ICA1L: variants seen among roughly 807,000 people sequenced by gnomAD.
ICA1L encodes islet cell autoantigen 1 like, also known as islet cell autoantigen 1-like protein.
A neutral mutation model predicts 61.3 loss-of-function variants in ICA1L; 50 were observed. The observed-to-expected ratio is 0.82, with a 90% CI of 0.65 to 1.03. The LOEUF (loss-of-function observed/expected upper bound fraction) is 1.03. Ranked by LOEUF, ICA1L falls within the 50% of genes least tolerant of loss-of-function variation. The pLI, the probability that ICA1L is intolerant of heterozygous loss-of-function variation, is 0.00. For synonymous variants in ICA1L, 161 were observed against 191.3 expected (o/e 0.84, Z 1.31); for missense variants, 508 against 556.7 (o/e 0.91, Z 0.88).
chr2:202,851,011 T>C (rs1266614778), intron 1 of ICA1L, among the ~76,000 whole-genome samples: 6 of 143,788 alleles, frequency 4.2e-5, no homozygotes, highest in Non-Finnish European at 9.2e-5. Flanking sequence ...AATAATTTTC[T>C]TTTTTTTTTT....
chr2:202,793,528 A>T (rs1026254518), intron 10 of ICA1L, among the ~76,000 whole-genome samples: 15 of 119,638 alleles, frequency 1.3e-4, no homozygotes, highest in Non-Finnish European at 2.3e-4. Flanking sequence ...AAAAAAAAAA[A>T]TTAGCCAGGT....
intron 2 of ICA1L, among the ~76,000 whole-genome samples, chr2:202,826,973 C>G (rs1262448470): frequency 6.6e-6 from 1 of 152,074 alleles, no homozygotes; most frequent in Non-Finnish European, 1.5e-5. Context: ...ATAATAAACA[C>G]TAAAATCTTA....
intron 1 of ICA1L, among the ~76,000 whole-genome samples, chr2:202,834,445 A>G (rs566434530): frequency 3.8e-4 from 58 of 152,254 alleles, no homozygotes; most frequent in African/African-American, 1.4e-3. Flanking sequence ...CGTGGGCAAC[A>G]TGGCAAGATC....
chr2:202,862,123 G>T (rs746526845), intron 1 of ICA1L, among the ~76,000 whole-genome samples: 1 of 150,756 alleles, frequency 6.6e-6, no homozygotes, highest in Non-Finnish European at 1.5e-5. Context: ...TAACATTCTT[G>T]GGCTACAATA....
chr2:202,811,483 C>T (rs1198105384), intron 9 of ICA1L, among the ~76,000 whole-genome samples: 8 of 151,640 alleles, frequency 5.3e-5, no homozygotes, highest in Admixed American at 4.6e-4. Context: ...TACAGTGAAA[C>T]CCTGTCTCTA....
chr2:202,869,082 A>G (rs1285400604), intron 1 of ICA1L, among the ~76,000 whole-genome samples: 2 of 148,702 alleles, frequency 1.3e-5, no homozygotes, highest in African/African-American at 2.5e-5. Flanking sequence ...GAGTGAGGCC[A>G]GGCGTGGTGG....
intron 5 of ICA1L, among the ~76,000 whole-genome samples, chr2:202,817,750 A>G (rs1006545755): frequency 6.6e-6 from 1 of 152,198 alleles, no homozygotes; most frequent in Non-Finnish European, 1.5e-5. Context: ...GATTCTTTCC[A>G]GAAGATATCT....
intron 1 of ICA1L, among the ~76,000 whole-genome samples, chr2:202,852,398 C>T (rs1233797136): frequency 2.0e-5 from 3 of 151,990 alleles, no homozygotes; most frequent in South Asian, 4.1e-4. Context: ...CAGCCGGGTG[C>T]GGTGGCTTAC....
At chr2:202,788,054 C>T (rs1692641732) in intron 11 of ICA1L, among the ~76,000 whole-genome samples, 1 of 152,216 alleles carries the variant, frequency 6.6e-6, no homozygotes, top group Non-Finnish European at 1.5e-5. Flanking sequence ...CGCAAGTATT[C>T]TTCCTTCACT....
intron 1 of ICA1L, among the ~76,000 whole-genome samples, chr2:202,836,648 G>C (rs1694155503): frequency 6.6e-6 from 1 of 151,792 alleles, no homozygotes; most frequent in African/African-American, 2.4e-5. Context: ...TTTAATGGGA[G>C]ACTTCTTATT....
At position 202,830,470 on chromosome 2, in the gene ICA1L, T is replaced by C. The variant is rs145214526; in HGVS notation, c.-7-1454A>G. Among the ~76,000 whole-genome samples the C allele has an allele frequency of 4.6e-4, 70 of 152,312 alleles. 1 individual carries two copies. In the East Asian group the frequency reaches 5.2e-3, roughly 11 times the overall value. On this transcript the variant is annotated intron_variant, in intron 1 of 12. Transcript: ENST00000358299. ...ATTCTTAACAAGGTTAACATGGCTA[T>C]ATAAGGAAATGCAGAGTGAAAAGTA... is the stretch of plus-strand genomic sequence containing the variant.
chr2:202,789,560 GCACA>G (rs1275569930), intron 10 of ICA1L, among the ~76,000 whole-genome samples: 1 of 151,866 alleles, frequency 6.6e-6, no homozygotes, highest in South Asian at 2.1e-4. Flanking sequence ...TTATACTAAG[GCACA>G]CACACACAAA....
chr2:202,791,268 A>C (rs944813798), intron 10 of ICA1L, among the ~76,000 whole-genome samples: 2 of 152,224 alleles, frequency 1.3e-5, no homozygotes, highest in Non-Finnish European at 2.9e-5. Flanking sequence ...TGGAAGAAGC[A>C]AAAATGATAA....
At position 202,796,470 on chromosome 2, in the gene ICA1L, A is replaced by G. The variant is rs10203023; in HGVS notation, c.985+420T>C. On this transcript the variant is annotated intron_variant, in intron 10 of 12. Coordinates refer to ENST00000358299, the MANE Select transcript of ICA1L (RefSeq NM_001288622.3). ...TTTAGTCTTGATCCTCATTTTACAGATAAGGAAACCAGAACGTTGGGGGCA... is the reference window on the plus strand; with the variant it reads ...TTTAGTCTTGATCCTCATTTTACAGGTAAGGAAACCAGAACGTTGGGGGCA... 6.5e-3 allele frequency among the ~76,000 whole-genome samples: 988 copies of G among 152,330 alleles called. 11 individuals carry two copies. The highest frequency in any genetic ancestry group is 0.023 in the African/African-American group (952 of 41,578).
chr2:202,811,768 TTCC>T lies in ICA1L; in HGVS notation c.885_887del (p.Glu296del). The stretch of plus-strand genomic sequence containing the variant: ...TACCTTGTTCACTCTCAAAGCTTGC[TTCC>T]TCATCAGACAAAACTAGCCTGAAGT... On this transcript the variant is annotated inframe_deletion, in exon 9 of 13. Transcript: ENST00000358299. The T allele has an allele frequency of 6.2e-7, 1 of 1,608,402 alleles. No individual in the cohort carries two copies. The highest frequency in any genetic ancestry group is 1.1e-5 in the South Asian group (1 of 90,688).
chr2:202,862,430 G>A (rs1293226259), intron 1 of ICA1L, among the ~76,000 whole-genome samples: 1 of 151,966 alleles, frequency 6.6e-6, no homozygotes, highest in Non-Finnish European at 1.5e-5. Flanking sequence ...CGTGCTCCAG[G>A]CTGGGTGACA....
intron 1 of ICA1L, among the ~76,000 whole-genome samples, chr2:202,864,091 T>C (rs1304866639): frequency 6.6e-6 from 1 of 152,202 alleles, no homozygotes; most frequent in African/African-American, 2.4e-5. Context: ...ACCAGATGGC[T>C]TCACTGCTGA....
At chr2:202,789,691 A>G (rs1692689159) in intron 10 of ICA1L, among the ~76,000 whole-genome samples, 1 of 152,250 alleles carries the variant, frequency 6.6e-6, no homozygotes, top group African/African-American at 2.4e-5. Flanking sequence ...TGTAAATCTT[A>G]AAACCTTCTA....
In ICA1L at chr2:202,811,931, T is replaced by C; in HGVS notation, c.867-142A>G. On this transcript the variant is annotated intron_variant, in intron 8 of 12. Transcript: ENST00000358299. ...TGTCCACTAGATCCCCTAAAATCTA[T>C]ATCTGGTGAATTTCCTACTTCTTTT... 1.2e-5 allele frequency: 8 copies of C among 682,834 alleles called. No individual in the cohort carries two copies. In the South Asian group the frequency reaches 1.4e-4, roughly 12 times the overall value. The allele number at this position is 682,834 out of a possible 1,614,324, so 42.3% of individuals were successfully genotyped here.
Sources: allele counts gnomAD v4.1 joint callset (sites outside exome capture counted in the v4.1 genomes callset), GRCh38; gene constraint gnomAD v4.1.1; transcripts MANE v1.5; gene names NCBI Gene and HGNC (gene_info 2026-07-23, HGNC 2026-07-21).